The following TBC1D22A variants were observed in gnomAD, a reference collection of about 807,000 sequenced individuals.
The protein encoded by TBC1D22A is putative GTPase activator.
TBC1D22A carries 38 observed loss-of-function variants against 60.2 expected under a neutral mutation model. That is an observed-to-expected ratio of 0.63 (90% CI 0.49 to 0.83). TBC1D22A has a LOEUF of 0.83. TBC1D22A is among the 40% of genes least tolerant of loss of function. TBC1D22A has a pLI of 0.00. For synonymous variants in TBC1D22A, 302 were observed against 281.7 expected (o/e 1.07, Z -0.72); for missense variants, 628 against 701.0 (o/e 0.90, Z 1.18).
chr22:46,822,779 G>T (rs1054438591), intron 4 of TBC1D22A, among the ~76,000 whole-genome samples: 1 of 152,176 alleles, frequency 6.6e-6, no homozygotes, highest in African/African-American at 2.4e-5. Flanking sequence ...GGTGGAGAGG[G>T]TGTCTTTTGC....
intron 11 of TBC1D22A, among the ~76,000 whole-genome samples, chr22:47,091,863 C>T (rs984764124): frequency 2.0e-5 from 3 of 152,196 alleles, no homozygotes; most frequent in Admixed American, 6.5e-5. Context: ...ATTAACACAC[C>T]GTAGGCTTCA....
chr22:46,773,524 G>T (rs944081167), intron 1 of TBC1D22A, among the ~76,000 whole-genome samples: 2 of 152,104 alleles, frequency 1.3e-5, no homozygotes, highest in Non-Finnish European at 2.9e-5. Context: ...GAATACAATG[G>T]TGCCATCTCA....
In TBC1D22A at chr22:46,804,902, T is replaced by G. The variant is rs1391643770; in HGVS notation, c.637+7282T>G. 3.3e-5 allele frequency among the ~76,000 whole-genome samples: 5 copies of G among 152,212 alleles called. No individual in the cohort carries two copies. In the South Asian group the frequency reaches 8.3e-4, roughly 25 times the overall value. On this transcript the variant is annotated intron_variant, in intron 4 of 12. Coordinates refer to ENST00000337137, the MANE Select transcript of TBC1D22A (RefSeq NM_014346.5). ...CTGTTGCATGTTTGTCTTTTTTTTC[T>G]TATAATTTCTTTTGTAGATGAGGAT...
At chr22:46,791,569 A>G (rs1471627272) in intron 1 of TBC1D22A, among the ~76,000 whole-genome samples, 3 of 148,880 alleles carry the variant, frequency 2.0e-5, no homozygotes, top group Non-Finnish European at 4.4e-5. Flanking sequence ...AAAAACCAGC[A>G]TTTATTTCTT....
chr22:46,873,299 C>T (rs932780153), intron 4 of TBC1D22A, among the ~76,000 whole-genome samples: 20 of 152,128 alleles, frequency 1.3e-4, no homozygotes, highest in Non-Finnish European at 2.9e-4. Flanking sequence ...CTTCAATGCT[C>T]AACATCATTA....
chr22:47,010,327 G>C (rs907229161), intron 10 of TBC1D22A, among the ~76,000 whole-genome samples: 1 of 151,580 alleles, frequency 6.6e-6, no homozygotes, highest in African/African-American at 2.4e-5. Flanking sequence ...AACAGGCAGC[G>C]TGGCTCCCTC....
chr22:46,942,451 TCAGCTGCTTAG>T (rs2072231233), intron 8 of TBC1D22A, among the ~76,000 whole-genome samples: 1 of 152,194 alleles, frequency 6.6e-6, no homozygotes, highest in Non-Finnish European at 1.5e-5. Context: ...TCACAGCGTT[TCAGCTGCTTAG>T]CTATGCCGCT....
chr22:46,841,961 A>G (rs1602106609), intron 4 of TBC1D22A, among the ~76,000 whole-genome samples: 1 of 152,218 alleles, frequency 6.6e-6, no homozygotes, highest in East Asian at 1.9e-4. Flanking sequence ...TCTTATTTGC[A>G]TACCATTTTT....
intron 7 of TBC1D22A, among the ~76,000 whole-genome samples, chr22:46,903,854 G>T (rs540419239): frequency 6.6e-6 from 1 of 152,292 alleles, no homozygotes; most frequent in African/African-American, 2.4e-5. Context: ...CTGAGGGGTG[G>T]TAGGAACTCC....
intron 7 of TBC1D22A, among the ~76,000 whole-genome samples, chr22:46,909,804 G>A (rs1186989462): frequency 6.6e-6 from 1 of 152,172 alleles, no homozygotes; most frequent in African/African-American, 2.4e-5. Flanking sequence ...CAGGGACCCA[G>A]CCTGCCTGTC....
chr22:46,914,016 G>GCAGGCACATGCACACACA (rs2070158427), intron 8 of TBC1D22A: 1 of 153,900 alleles, frequency 6.5e-6, no homozygotes, highest in Non-Finnish European at 1.4e-5. Flanking sequence ...CGTCACACAC[G>GCAGGCACATGCACACACA]CAGGCACATG....
At chr22:46,919,198 T>C (rs59154485) in intron 8 of TBC1D22A, among the ~76,000 whole-genome samples, 14,758 of 152,188 alleles carry the variant, frequency 0.097, 1,451 homozygotes, top group African/African-American at 0.25. Flanking sequence ...AGCCTCTCAT[T>C]TGCTTTCTGT....
chr22:47,090,105 C>T (rs73888867), intron 11 of TBC1D22A, among the ~76,000 whole-genome samples: 7,558 of 152,066 alleles, frequency 0.05, 205 homozygotes, highest in Middle Eastern at 0.085. Flanking sequence ...GGTGGGGGGG[C>T]GGTCCTCATC....
rs775425520 is a variant in TBC1D22A at position 46,829,901 on chromosome 22, GAAAA to G, written c.637+32285_637+32288del. ...ATTTCTAAACAATGGAGGTCGTAAA[GAAAA>G]AAATCCCAAGACACCAGATTCAGTG... On this transcript the variant is annotated intron_variant, in intron 4 of 12. Transcript: ENST00000337137. Among the ~76,000 whole-genome samples the G allele has an allele frequency of 4.5e-4, 68 of 152,256 alleles. No individual in the cohort carries two copies. The Middle Eastern group carries it at 0.014, about 30-fold the overall frequency.
At chr22:46,805,553 G>A (rs777927731) in intron 4 of TBC1D22A, among the ~76,000 whole-genome samples, 34 of 152,318 alleles carry the variant, frequency 2.2e-4, no homozygotes, top group Non-Finnish European at 3.4e-4. Flanking sequence ...GATGGAAGGA[G>A]CAGTCACCAG....
intron 11 of TBC1D22A, among the ~76,000 whole-genome samples, chr22:47,038,969 G>T: frequency 6.6e-6 from 1 of 152,290 alleles, no homozygotes; most frequent in Middle Eastern, 3.4e-3. Context: ...TGTAAATTGC[G>T]AATGCTGTCC....
intron 8 of TBC1D22A, among the ~76,000 whole-genome samples, chr22:46,970,248 A>G (rs574736362): frequency 1.4e-5 from 2 of 145,164 alleles, no homozygotes; most frequent in Admixed American, 6.9e-5. Context: ...GGCCACAGCC[A>G]TGGCTGTCAT....
intron 8 of TBC1D22A, among the ~76,000 whole-genome samples, chr22:46,935,954 G>T (rs549599811): frequency 4.6e-5 from 7 of 152,188 alleles, no homozygotes; most frequent in Admixed American, 2.0e-4. Context: ...CTGTCTCCTG[G>T]CCCCTCCTCT....
At chr22:46,937,081 C>T (rs1433336375) in intron 8 of TBC1D22A, among the ~76,000 whole-genome samples, 5 of 152,044 alleles carry the variant, frequency 3.3e-5, no homozygotes, top group Non-Finnish European at 7.4e-5. Flanking sequence ...GTATGCTCTG[C>T]GCTTTGCTTT....
Sources: allele counts gnomAD v4.1 joint callset (sites outside exome capture counted in the v4.1 genomes callset), GRCh38; gene constraint gnomAD v4.1.1; transcripts MANE v1.5; gene names NCBI Gene and HGNC (gene_info 2026-07-23, HGNC 2026-07-21).